Variants in ERAP2 observed in about 807,000 individuals in gnomAD.
The protein encoded by ERAP2 is endoplasmic reticulum aminopeptidase 2, also known as leukocyte-derived arginine aminopeptidase.
Under a neutral mutation model 111.1 loss-of-function variants are expected in ERAP2, and 118 were observed. The ratio of observed to expected loss-of-function variants is 1.06; its 90% CI spans 0.92 to 1.24. ERAP2 has a LOEUF of 1.24. Ranked by LOEUF, ERAP2 falls within the 50% of genes most tolerant of loss-of-function variation. The pLI is 0.00. For synonymous variants in ERAP2, 410 were observed against 401.2 expected, an observed-to-expected ratio of 1.02 and a Z score of -0.26; for missense variants, 1,131 against 1,125.8, an observed-to-expected ratio of 1.00 and a Z score of -0.07.
chr5:96,881,127 G>A (rs762307221), intron 2 of ERAP2: 3 of 304,030 alleles, frequency 9.9e-6, no homozygotes, highest in Non-Finnish European at 1.9e-5. Context: ...TGGAGCCTTG[G>A]GGCGTCTTGT....
intron 13 of ERAP2, among the ~76,000 whole-genome samples, chr5:96,907,689 C>T (rs1314030387): frequency 6.6e-6 from 1 of 151,958 alleles, no homozygotes; most frequent in Non-Finnish European, 1.5e-5. Context: ...CAAGACCAGC[C>T]TGGCCAACAT....
intron 13 of ERAP2, among the ~76,000 whole-genome samples, chr5:96,904,875 A>T (rs747375906): frequency 2.1e-4 from 32 of 152,336 alleles, no homozygotes; most frequent in Admixed American, 5.2e-4. Context: ...TTCTTCACTA[A>T]GTAGACAGAT....
chr5:96,886,817 A>G (rs980717898), intron 4 of ERAP2, 28 bp downstream of exon 4: 1 of 1,379,334 alleles, frequency 7.2e-7, no homozygotes, highest in Admixed American at 2.5e-5. Context: ...CGTTCTACGC[A>G]GTGCAGAAAA....
intron 2 of ERAP2, among the ~76,000 whole-genome samples, chr5:96,882,318 G>A (rs80159277): frequency 6.6e-6 from 1 of 152,160 alleles, no homozygotes; most frequent in Admixed American, 6.5e-5. Flanking sequence ...GGAGATGAGA[G>A]GGGGAGATAT....
At chr5:96,909,454 A>G (rs1394606238) in intron 14 of ERAP2, 126 bp from the exon 15 acceptor site, 16 of 747,586 alleles carry the variant, frequency 2.1e-5, no homozygotes, top group African/African-American at 1.9e-4. Flanking sequence ...AGAAATACGA[A>G]GATACACTGT....
Position 96,892,361 on chromosome 5 carries a change from A to AG in ERAP2, c.1036dup (p.Glu346GlyfsTer7). The AG allele has an allele frequency of 6.2e-7, 1 of 1,614,102 alleles. No individual in the cohort carries two copies. Among genetic ancestry groups the AG allele is most frequent in the Non-Finnish European group, 8.5e-7 (1 of 1,179,964 alleles). On this transcript the variant is annotated frameshift_variant, in exon 6 of 19. Transcript: ENST00000437043. LOFTEE classifies it high-confidence loss of function. ...GGAAAATTGGGGCCTCATTACATAT[A>AG]GGGAGACGTCACTGCTTTTTGACCC...
intron 11 of ERAP2, among the ~76,000 whole-genome samples, 166 bp downstream of exon 11, chr5:96,901,847 G>A (rs1415998234): frequency 6.6e-6 from 1 of 152,166 alleles, no homozygotes; most frequent in African/African-American, 2.4e-5. Flanking sequence ...ATATAACCCG[G>A]ACTTCTTTGT....
Position 96,917,763 on chromosome 5 carries a change from G to T in ERAP2, c.*158G>T. Reference sequence around the variant, plus strand: ...CCGCTAAAAATACAAAAAATTAGCCGGGCATGGTGGCAGGTGCCTGTAGTC... The same window carrying T: ...CCGCTAAAAATACAAAAAATTAGCCTGGCATGGTGGCAGGTGCCTGTAGTC... On this transcript the variant is annotated 3_prime_UTR_variant, in exon 19 of 19. Coordinates refer to ENST00000437043, the MANE Select transcript of ERAP2 (RefSeq NM_022350.5). 2.2e-6 allele frequency: 1 copy of T among 458,866 alleles called. No homozygotes were observed. Among genetic ancestry groups the T allele is most frequent in the Non-Finnish European group, 3.8e-6 (1 of 266,624 alleles). The allele number at this position is 458,866 out of a possible 1,614,324, so 28.4% of individuals were successfully genotyped here. A position where few individuals can be genotyped will look rare whatever the true frequency, so the allele number is the denominator to read the frequency against.
At chr5:96,900,013 A>G (rs17407899) in intron 9 of ERAP2, 108 bp from the exon 10 acceptor site, 63,681 of 1,293,342 alleles carry the variant, frequency 0.049, 1,886 homozygotes, top group Middle Eastern at 0.1. Context: ...GTCTGGATGA[A>G]TTATTTCATA....
chr5:96,917,720 C>G lies in ERAP2; in HGVS notation c.*115C>G. ...AGGAGATGGAGACCATCCTGGCTAACACGGTGAGACCCCGTCTCCGCTAAA... is the reference window on the plus strand; with the variant it reads ...AGGAGATGGAGACCATCCTGGCTAAGACGGTGAGACCCCGTCTCCGCTAAA... On this transcript the variant is annotated 3_prime_UTR_variant, in exon 19 of 19. Transcript: ENST00000437043. 1.4e-6 allele frequency: 1 copy of G among 730,930 alleles called. No homozygotes were observed. The highest frequency in any genetic ancestry group is 2.1e-6 in the Non-Finnish European group (1 of 482,956). The allele number at this position is 730,930 out of a possible 1,614,324, so 45.3% of individuals were successfully genotyped here. A position where few individuals can be genotyped will look rare whatever the true frequency, so the allele number is the denominator to read the frequency against.
chr5:96,894,517 A>G (rs1784673121), intron 6 of ERAP2, among the ~76,000 whole-genome samples: 1 of 152,126 alleles, frequency 6.6e-6, no homozygotes, highest in Non-Finnish European at 1.5e-5. Context: ...GATGTGCAGT[A>G]TTAGGCATAT....
chr5:96,905,204 A>G (rs528162564), intron 13 of ERAP2, among the ~76,000 whole-genome samples: 42 of 152,332 alleles, frequency 2.8e-4, no homozygotes, highest in Non-Finnish European at 5.0e-4. Flanking sequence ...AACATAGAAA[A>G]GTACACTTCA....
In ERAP2 at chr5:96,895,134, A is replaced by G; in HGVS notation, c.1126-112A>G. 3 of 627,564 alleles carry G rather than the reference A, an allele frequency of 4.8e-6. 1 individual carries two copies. The allele number at this position is 627,564 out of a possible 1,614,324, so 38.9% of individuals were successfully genotyped here. A position where few individuals can be genotyped will look rare whatever the true frequency, so the allele number is the denominator to read the frequency against. ...ACAGAGAGAAAAGGGTAGCAAAGAG[A>G]GAAGAGAGATCCTAACTAATAAAAA... is the stretch of plus-strand genomic sequence containing the variant. On this transcript the variant is annotated intron_variant, in intron 6 of 18. Coordinates refer to ENST00000437043, the MANE Select transcript of ERAP2 (RefSeq NM_022350.5).
chr5:96,900,292 G>A, intron 10 of ERAP2, 103 bp downstream of exon 10: 1 of 1,457,446 alleles, frequency 6.9e-7, no homozygotes, highest in Non-Finnish European at 9.1e-7. Context: ...TTAAAAGCTG[G>A]AGAGAAAGAG....
rs1436532605 is a variant in ERAP2 at position 96,908,909 on chromosome 5, A to T, written c.2013-52A>T. ...TCATATTTGTTTTAATGTTAAAAAT[A>T]TTAAAAACTATAAGATATGCACAAA... On this transcript the variant is annotated intron_variant, in intron 13 of 18. Transcript: ENST00000437043. 2.6e-5 allele frequency: 40 copies of T among 1,529,418 alleles called. No individual in the cohort carries two copies. In the East Asian group the frequency reaches 8.9e-4, roughly 34 times the overall value. The allele number at this position is 1,529,418 out of a possible 1,614,324, so 94.7% of individuals were successfully genotyped here.
chr5:96,910,089 G>T (rs1786548445), intron 15 of ERAP2: 2 of 196,688 alleles, frequency 1.0e-5, no homozygotes, highest in African/African-American at 2.3e-5. Context: ...ACATAGTGAA[G>T]CCCTGTCTGC....
In ERAP2 at chr5:96,918,266, T is replaced by C. The variant is rs569414401; in HGVS notation, c.*661T>C. ...TGACTTTCTCCATTGCTTCACGCTA[T>C]GCCACTATTTTGCTTCTTTAATTTT... On this transcript the variant is annotated 3_prime_UTR_variant, in exon 19 of 19. Coordinates refer to ENST00000437043, the MANE Select transcript of ERAP2 (RefSeq NM_022350.5). 1 of 152,396 alleles carries C rather than the reference T, an allele frequency of 6.6e-6. No individual in the cohort carries two copies. The highest frequency in any genetic ancestry group is 1.5e-5 in the Non-Finnish European group (1 of 68,058). The allele number at this position is 152,396 out of a possible 1,614,324, so 9.4% of individuals were successfully genotyped here. A position where few individuals can be genotyped will look rare whatever the true frequency, so the allele number is the denominator to read the frequency against.
rs1220992281 is a variant in ERAP2 at position 96,917,921 on chromosome 5, AAAAAAAAG to A, written c.*322_*329del. On this transcript the variant is annotated 3_prime_UTR_variant, in exon 19 of 19. Transcript: ENST00000437043. ...ACTCTGTCTCAAAAAAAAAAAAAAA[AAAAAAAAG>A]AAAAAGAAAAAGAAAAGAAAAGAAA... 1 of 161,052 alleles carries A rather than the reference AAAAAAAAG, an allele frequency of 6.2e-6. No homozygotes were observed. Among genetic ancestry groups the A allele is most frequent in the African/African-American group, 2.4e-5 (1 of 41,464 alleles). The allele number at this position is 161,052 out of a possible 1,614,324, so 10.0% of individuals were successfully genotyped here. A position where few individuals can be genotyped will look rare whatever the true frequency, so the allele number is the denominator to read the frequency against.
intron 3 of ERAP2, 124 bp from the exon 4 acceptor site, chr5:96,886,531 T>TA (rs1783736043): frequency 4.3e-6 from 3 of 692,650 alleles, no homozygotes; most frequent in Non-Finnish European, 6.3e-6. Flanking sequence ...ATTGCCCCCC[T>TA]AGGAGGTCAT....
Sources: gnomAD v4.1 joint callset for allele counts (sites outside exome capture counted in the v4.1 genomes callset) on GRCh38, gnomAD v4.1.1 for gene constraint, MANE v1.5 for transcripts, NCBI Gene and HGNC (gene_info 2026-07-23, HGNC 2026-07-21) for gene names.